Variants in SBF2 observed in about 807,000 individuals in gnomAD.
SBF2 encodes the protein SET binding factor 2.
SBF2 carries 112 observed loss-of-function variants against 225.2 expected under a neutral mutation model. The ratio of observed to expected loss-of-function variants is 0.50; its 90% CI spans 0.43 to 0.58. SBF2 has a LOEUF of 0.58. Among genes scored for constraint, SBF2 ranks in the 20% least tolerant of loss-of-function variants. The pLI is 0.00. For synonymous variants in SBF2, 763 were observed against 773.3 expected (o/e 0.99, Z 0.22); for missense variants, 1,996 against 2,206.2 (o/e 0.90, Z 1.91).
chr11:9,924,945 C>T (rs1481551506), intron 16 of SBF2, among the ~76,000 whole-genome samples: 1 of 151,980 alleles, frequency 6.6e-6, no homozygotes, highest in Non-Finnish European at 1.5e-5. Context: ...GATGAGGTCT[C>T]ACTATGTTGC....
chr11:9,905,376 A>T (rs1417293430), intron 16 of SBF2, among the ~76,000 whole-genome samples: 1 of 152,240 alleles, frequency 6.6e-6, no homozygotes, highest in Non-Finnish European at 1.5e-5. Flanking sequence ...GAACAGTAGA[A>T]CAAATGATCT....
intron 1 of SBF2, among the ~76,000 whole-genome samples, chr11:10,209,894 T>C (rs1237965495): frequency 6.6e-6 from 1 of 152,100 alleles, no homozygotes; most frequent in Non-Finnish European, 1.5e-5. Flanking sequence ...GGCTCAAAGA[T>C]CCAGCTTCTT....
At chr11:10,081,915 AT>A (rs749347276) in intron 2 of SBF2, among the ~76,000 whole-genome samples, 50 of 152,224 alleles carry the variant, frequency 3.3e-4, no homozygotes, top group South Asian at 8.3e-4. Flanking sequence ...GACCAAAAAA[AT>A]AAAACATAAA....
intron 17 of SBF2, among the ~76,000 whole-genome samples, chr11:9,893,758 CACA>C (rs1861022107): frequency 6.6e-6 from 1 of 152,164 alleles, no homozygotes; most frequent in Admixed American, 6.5e-5. Context: ...ATCCAGTGGC[CACA>C]ACACCTCTCC....
chr11:9,831,085 A>G (rs1590175641), intron 27 of SBF2, among the ~76,000 whole-genome samples: 1 of 152,058 alleles, frequency 6.6e-6, no homozygotes, highest in South Asian at 2.1e-4. Context: ...TATAGCCTTT[A>G]CCTCATGGGC....
rs72854410 is a variant in SBF2 at position 9,883,630 on chromosome 11, C to T, written c.1929+12313G>A. On this transcript the variant is annotated intron_variant, in intron 17 of 39. Transcript: ENST00000256190. ...TTATTATATTTTATGAGTTATTTTT[C>T]CTAAACTCAATGATAATAAATCACA... Among the ~76,000 whole-genome samples, 691 of 152,142 alleles carry T rather than the reference C, an allele frequency of 4.5e-3. 3 individuals are homozygous for T. The highest frequency in any genetic ancestry group is 8.3e-3 in the Non-Finnish European group (564 of 68,016).
chr11:10,280,020 T>G (rs1963292752), intron 1 of SBF2, among the ~76,000 whole-genome samples: 1 of 152,236 alleles, frequency 6.6e-6, no homozygotes, highest in Non-Finnish European at 1.5e-5. Flanking sequence ...ATGTTTGGCA[T>G]CAGAATTGTT....
intron 17 of SBF2, among the ~76,000 whole-genome samples, chr11:9,872,687 G>A (rs1258091839): frequency 2.0e-5 from 3 of 151,058 alleles, no homozygotes; most frequent in Non-Finnish European, 4.4e-5. Context: ...CTCATACACT[G>A]CTGAAAAGAA....
intron 1 of SBF2, among the ~76,000 whole-genome samples, chr11:10,259,858 T>A (rs922267756): frequency 6.6e-6 from 1 of 152,066 alleles, no homozygotes; most frequent in South Asian, 2.1e-4. Flanking sequence ...TAACAAAAAA[T>A]TTAAAAGAAA....
chr11:9,864,738 G>C (rs944745686), intron 17 of SBF2, among the ~76,000 whole-genome samples: 2 of 152,108 alleles, frequency 1.3e-5, no homozygotes, highest in Non-Finnish European at 2.9e-5. Flanking sequence ...GTCTTAAGTT[G>C]TTTAGTAAAT....
chr11:10,017,297 G>A (rs1948693059), intron 6 of SBF2, among the ~76,000 whole-genome samples: 1 of 152,128 alleles, frequency 6.6e-6, no homozygotes, highest in Non-Finnish European at 1.5e-5. Flanking sequence ...GATAAACAGT[G>A]GAACTGAAGA....
chr11:10,095,182 C>CA (rs1478869918), intron 2 of SBF2, among the ~76,000 whole-genome samples: 1 of 151,972 alleles, frequency 6.6e-6, no homozygotes, highest in Non-Finnish European at 1.5e-5. Flanking sequence ...CTTAGCCTCC[C>CA]AAAAAGCTGG....
At chr11:9,966,215 A>G (rs937170442) in intron 14 of SBF2, among the ~76,000 whole-genome samples, 1 of 152,000 alleles carries the variant, frequency 6.6e-6, no homozygotes, top group South Asian at 2.1e-4. Flanking sequence ...TAGCCTCCCA[A>G]GTAGCTGGGA....
intron 2 of SBF2, among the ~76,000 whole-genome samples, chr11:10,062,990 T>C (rs1170170979): frequency 1.3e-5 from 2 of 152,212 alleles, no homozygotes; most frequent in Admixed American, 6.5e-5. Flanking sequence ...CATATACACA[T>C]GGAATATCAT....
At chr11:9,860,038 A>T (rs903903072) in intron 17 of SBF2, among the ~76,000 whole-genome samples, 1 of 152,194 alleles carries the variant, frequency 6.6e-6, no homozygotes, top group African/African-American at 2.4e-5. Flanking sequence ...TGCTCATTTA[A>T]GAAACAGTTA....
chr11:10,109,113 T>A (rs189718225), intron 2 of SBF2, among the ~76,000 whole-genome samples: 88 of 152,252 alleles, frequency 5.8e-4, no homozygotes, highest in African/African-American at 2.1e-3. Flanking sequence ...GCCATATTAT[T>A]TAGAAACCGC....
chr11:9,909,843 G>T (rs1862449997), intron 16 of SBF2, among the ~76,000 whole-genome samples: 2 of 152,056 alleles, frequency 1.3e-5, no homozygotes, highest in Non-Finnish European at 2.9e-5. Flanking sequence ...ATAGTATCTA[G>T]GCCTAGGACT....
intron 16 of SBF2, among the ~76,000 whole-genome samples, chr11:9,943,110 A>G (rs949239425): frequency 1.3e-5 from 2 of 152,212 alleles, no homozygotes; most frequent in African/African-American, 4.8e-5. Flanking sequence ...TATATAAAAA[A>G]GGGGTTATTG....
intron 6 of SBF2, among the ~76,000 whole-genome samples, chr11:10,009,265 T>C (rs1948337465): frequency 6.6e-6 from 1 of 152,204 alleles, no homozygotes; most frequent in African/African-American, 2.4e-5. Context: ...TCTATATATT[T>C]TTATTTATTA....
Sources: gnomAD v4.1 joint callset for allele counts (sites outside exome capture counted in the v4.1 genomes callset) on GRCh38, gnomAD v4.1.1 for gene constraint, MANE v1.5 for transcripts, NCBI Gene and HGNC (gene_info 2026-07-23, HGNC 2026-07-21) for gene names.